Variants in CORIN observed in about 807,000 individuals in gnomAD.
CORIN encodes corin, serine peptidase, also known as atrial natriuretic peptide-converting enzyme.
A neutral mutation model predicts 125.3 loss-of-function variants in CORIN; 117 were observed. The ratio of observed to expected loss-of-function variants is 0.93; its 90% CI spans 0.80 to 1.09. The LOEUF (loss-of-function observed/expected upper bound fraction) is 1.09. Among genes scored for constraint, CORIN ranks in the 50% least tolerant of loss-of-function variants. The pLI is 0.00. For missense variants in CORIN, 1,253 were observed against 1,306.7 expected (o/e 0.96, Z 0.63); for synonymous variants, 450 against 466.4 (o/e 0.96, Z 0.45).
At chr4:47,602,621 G>A (rs1721490338) in intron 20 of CORIN, among the ~76,000 whole-genome samples, 1 of 152,054 alleles carries the variant, frequency 6.6e-6, no homozygotes, top group African/African-American at 2.4e-5. Flanking sequence ...CCAAAGCACA[G>A]TTCAGTGACA....
chr4:47,767,961 C>T (rs1729836865), intron 3 of CORIN, among the ~76,000 whole-genome samples: 2 of 152,170 alleles, frequency 1.3e-5, no homozygotes, highest in South Asian at 4.1e-4. Flanking sequence ...CCATCATATC[C>T]CCTGTGACCT....
intron 5 of CORIN, among the ~76,000 whole-genome samples, chr4:47,698,897 C>A (rs1306454359): frequency 1.3e-5 from 2 of 152,148 alleles, no homozygotes; most frequent in African/African-American, 4.8e-5. Flanking sequence ...ATTACAACTG[C>A]CTAGAGTATT....
intron 4 of CORIN, 144 bp downstream of exon 4, chr4:47,763,235 A>G: frequency 1.6e-6 from 1 of 638,238 alleles, no homozygotes; most frequent in Admixed American, 2.9e-5. Flanking sequence ...AAACATTTCT[A>G]TTTTCAAAGA....
chr4:47,594,186 C>T lies in CORIN; in HGVS notation c.*1535G>A, dbSNP rs1227661023. 6.6e-6 allele frequency: 1 copy of T among 152,278 alleles called. No individual in the cohort carries two copies. 9.4% of individuals were successfully genotyped at this position (152,278 alleles called of 1,614,324 possible). A position where few individuals can be genotyped will look rare whatever the true frequency, so the allele number is the denominator to read the frequency against. ...TGACCACAATTCAGTTGCTGGATTT[C>T]ACACTCTCCTTAGGTTTATACAAAC... is the stretch of plus-strand genomic sequence containing the variant. On this transcript the variant is annotated 3_prime_UTR_variant, in exon 22 of 22. Coordinates refer to ENST00000273857, the MANE Select transcript of CORIN (RefSeq NM_006587.4).
At chr4:47,641,050 G>T (rs9291313) in intron 16 of CORIN, among the ~76,000 whole-genome samples, 39,737 of 151,866 alleles carry the variant, frequency 0.26, 5,426 homozygotes, top group Admixed American at 0.36. Context: ...CTTCACATGG[G>T]AGAAATGGAC....
At chr4:47,706,655 G>C in intron 5 of CORIN, 1 of 1,609,874 alleles carries the variant, frequency 6.2e-7, no homozygotes, top group East Asian at 2.2e-5. Flanking sequence ...CTAAAATTTT[G>C]CTCGAAGCCT....
chr4:47,712,112 A>G (rs1726870746), intron 5 of CORIN, among the ~76,000 whole-genome samples: 1 of 152,238 alleles, frequency 6.6e-6, no homozygotes, highest in South Asian at 2.1e-4. Flanking sequence ...TATGTTAACA[A>G]TTAAGCATAG....
intron 6 of CORIN, among the ~76,000 whole-genome samples, chr4:47,686,825 G>C (rs561979020): frequency 6.6e-6 from 1 of 152,060 alleles, no homozygotes; most frequent in Non-Finnish European, 1.5e-5. Context: ...TAATTTCTTT[G>C]TAAGCACTAC....
chr4:47,619,708 A>T (rs1722222692), intron 19 of CORIN, among the ~76,000 whole-genome samples: 1 of 152,234 alleles, frequency 6.6e-6, no homozygotes. Flanking sequence ...GAAAGAGGAA[A>T]CTTGGATACC....
intron 2 of CORIN, among the ~76,000 whole-genome samples, chr4:47,806,025 A>G (rs1731777557): frequency 6.6e-6 from 1 of 152,254 alleles, no homozygotes; most frequent in African/African-American, 2.4e-5. Context: ...TCACTTAGAA[A>G]AAGATAGCAA....
intron 12 of CORIN, among the ~76,000 whole-genome samples, chr4:47,661,100 C>G (rs1165819781): frequency 6.6e-6 from 1 of 152,174 alleles, no homozygotes; most frequent in Admixed American, 6.5e-5. Context: ...TTCTTATGTT[C>G]TCACTTATTT....
intron 5 of CORIN, among the ~76,000 whole-genome samples, chr4:47,703,831 T>C (rs75121125): frequency 0.022 from 3,350 of 152,308 alleles, 122 homozygotes; most frequent in African/African-American, 0.076. Context: ...ATATAGCATA[T>C]CTACTTAGAC....
At chr4:47,837,287 C>G (rs1733484528) in intron 1 of CORIN, 1 of 158,972 alleles carries the variant, frequency 6.3e-6, no homozygotes, top group South Asian at 1.9e-4. Flanking sequence ...TCCCCAGGCA[C>G]CAACTGGGGG....
At chr4:47,819,433 TA>T (rs1413841902) in intron 1 of CORIN, among the ~76,000 whole-genome samples, 7 of 152,090 alleles carry the variant, frequency 4.6e-5, no homozygotes, top group Non-Finnish European at 8.8e-5. Context: ...AGAAGGAAGT[TA>T]AACTCTTGCA....
chr4:47,687,592 A>G (rs1224268107), intron 6 of CORIN, among the ~76,000 whole-genome samples: 1 of 152,202 alleles, frequency 6.6e-6, no homozygotes, highest in African/African-American at 2.4e-5. Context: ...GTTAAATTAG[A>G]GCAGAAAACT....
chr4:47,713,500 A>AGT (rs529878650), intron 5 of CORIN, among the ~76,000 whole-genome samples: 123 of 152,372 alleles, frequency 8.1e-4, no homozygotes, highest in African/African-American at 2.8e-3. Context: ...TCTGAAATGT[A>AGT]GTGTGTTAAT....
chr4:47,684,466 A>C (rs1426576514), intron 6 of CORIN, among the ~76,000 whole-genome samples: 1 of 152,228 alleles, frequency 6.6e-6, no homozygotes, highest in East Asian at 1.9e-4. Context: ...TAATAGGAAA[A>C]TAAAGTCTTG....
intron 20 of CORIN, among the ~76,000 whole-genome samples, chr4:47,603,010 C>A (rs1279919688): frequency 2.0e-5 from 3 of 152,054 alleles, no homozygotes; most frequent in Non-Finnish European, 4.4e-5. Context: ...GTTTCTCAGG[C>A]TCCTGAAGAT....
intron 3 of CORIN, among the ~76,000 whole-genome samples, chr4:47,764,426 T>C (rs1292810681): frequency 6.6e-6 from 1 of 152,250 alleles, no homozygotes; most frequent in Non-Finnish European, 1.5e-5. Flanking sequence ...TGCATTCATA[T>C]GATGGGATTT....
Sources: allele counts gnomAD v4.1 joint callset (sites outside exome capture counted in the v4.1 genomes callset), GRCh38; gene constraint gnomAD v4.1.1; transcripts MANE v1.5; gene names NCBI Gene and HGNC (gene_info 2026-07-23, HGNC 2026-07-21).